The following PHACTR1 variants were observed in gnomAD, a reference collection of about 807,000 sequenced individuals.
PHACTR1 encodes phosphatase and actin regulator 1.
In PHACTR1, 16 loss-of-function variants were observed where a neutral mutation model predicts 69.2. The ratio of observed to expected loss-of-function variants is 0.23; its 90% CI spans 0.16 to 0.35. The LOEUF (loss-of-function observed/expected upper bound fraction) is 0.35, where lower values mean the gene tolerates loss of function less well. Among genes scored for constraint, PHACTR1 ranks in the 10% least tolerant of loss-of-function variants. The probability of loss-of-function intolerance (pLI) is 1.00; values close to 1 mark genes in which losing one functional copy is unlikely to be tolerated. For missense variants in PHACTR1, 510 were observed against 734.7 expected, an observed-to-expected ratio of 0.69 and a Z score of 3.54; for synonymous variants, 312 against 284.5, an observed-to-expected ratio of 1.10 and a Z score of -0.97.
chr6:12,753,994 A>C (rs1766964026), intron 4 of PHACTR1, among the ~76,000 whole-genome samples: 1 of 140,762 alleles, frequency 7.1e-6, no homozygotes, highest in African/African-American at 2.7e-5. Context: ...ACAGAGTCTC[A>C]CTCTGTCACC....
At chr6:12,888,171 T>G (rs986313972) in intron 4 of PHACTR1, among the ~76,000 whole-genome samples, 1 of 151,308 alleles carries the variant, frequency 6.6e-6, no homozygotes, top group Non-Finnish European at 1.5e-5. Context: ...TGCCTTAGAA[T>G]GGGGCTGGAA....
intron 7 of PHACTR1, among the ~76,000 whole-genome samples, chr6:13,205,273 C>T (rs550446149): frequency 1.3e-5 from 2 of 152,318 alleles, no homozygotes; most frequent in South Asian, 2.1e-4. Flanking sequence ...TGGGAGAGCT[C>T]GAACTCGCTC....
At chr6:13,037,689 G>A (rs868812024) in intron 4 of PHACTR1, among the ~76,000 whole-genome samples, 4 of 152,220 alleles carry the variant, frequency 2.6e-5, no homozygotes, top group Non-Finnish European at 5.9e-5. Context: ...TAAGAGCAAG[G>A]AGGACCCATT....
Position 12,968,165 on chromosome 6 carries a change from A to G in PHACTR1, c.251-85200A>G, listed in dbSNP as rs1018531303. ...TTTCCACTCAAACTCATTGCCCTTC[A>G]TGGAATCGCATGCCCGCTTCCCCCC... is the stretch of plus-strand genomic sequence containing the variant. On this transcript the variant is annotated intron_variant, in intron 4 of 14. Transcript: ENST00000332995. 3.3e-5 allele frequency among the ~76,000 whole-genome samples: 5 copies of G among 152,200 alleles called. No individual in the cohort carries two copies. The East Asian group carries it at 7.7e-4, about 23-fold the overall frequency.
At chr6:13,066,191 C>T (rs1483670211) in intron 5 of PHACTR1, among the ~76,000 whole-genome samples, 3 of 152,206 alleles carry the variant, frequency 2.0e-5, no homozygotes, top group African/African-American at 7.2e-5. Context: ...CCAGCACTCT[C>T]TGCGTGTAAG....
At chr6:12,751,876 A>G (rs748080103) in intron 4 of PHACTR1, among the ~76,000 whole-genome samples, 1 of 152,234 alleles carries the variant, frequency 6.6e-6, no homozygotes, top group African/African-American at 2.4e-5. Context: ...CCTGGTCTGT[A>G]CTGCAGTCAG....
intron 5 of PHACTR1, among the ~76,000 whole-genome samples, chr6:13,123,836 C>G (rs1819109379): frequency 6.6e-6 from 1 of 152,180 alleles, no homozygotes; most frequent in Non-Finnish European, 1.5e-5. Flanking sequence ...GAGTTGCATG[C>G]TTTCAGGCTT....
intron 6 of PHACTR1, among the ~76,000 whole-genome samples, chr6:13,164,241 G>A (rs187921205): frequency 6.6e-6 from 1 of 152,112 alleles, no homozygotes; most frequent in African/African-American, 2.4e-5. Flanking sequence ...GAGATTCGGG[G>A]GGTAAAGCAA....
At chr6:12,874,610 C>A (rs1019942362) in intron 4 of PHACTR1, among the ~76,000 whole-genome samples, 1 of 152,124 alleles carries the variant, frequency 6.6e-6, no homozygotes, top group African/African-American at 2.4e-5. Flanking sequence ...TCATCCCCAT[C>A]GAGCCACCAC....
At chr6:12,934,208 A>G (rs947690747) in intron 4 of PHACTR1, among the ~76,000 whole-genome samples, 7 of 152,146 alleles carry the variant, frequency 4.6e-5, no homozygotes, top group African/African-American at 7.2e-5. Context: ...GTCTCTCTCT[A>G]TGTGTTCACA....
At chr6:12,804,160 C>G (rs1011747913) in intron 4 of PHACTR1, among the ~76,000 whole-genome samples, 4 of 152,150 alleles carry the variant, frequency 2.6e-5, no homozygotes, top group Admixed American at 2.6e-4. Context: ...CATCTTGTGG[C>G]TATTAGACTT....
intron 7 of PHACTR1, among the ~76,000 whole-genome samples, chr6:13,205,234 C>T (rs542715243): frequency 3.9e-5 from 6 of 152,184 alleles, no homozygotes; most frequent in Non-Finnish European, 7.4e-5. Context: ...TCTTAACAAC[C>T]CACTCTTCCT....
chr6:12,910,152 G>A (rs1214244385), intron 4 of PHACTR1, among the ~76,000 whole-genome samples: 1 of 152,190 alleles, frequency 6.6e-6, no homozygotes, highest in Non-Finnish European at 1.5e-5. Context: ...GACCAGCCAA[G>A]AGGGAGGAGT....
At chr6:13,004,207 AGAGG>A in intron 4 of PHACTR1, among the ~76,000 whole-genome samples, 1 of 151,734 alleles carries the variant, frequency 6.6e-6, no homozygotes, top group Non-Finnish European at 1.5e-5. Flanking sequence ...TGTTTTCCAT[AGAGG>A]TTGTATTAAT....
chr6:12,719,783 C>T (rs1376297839), intron 3 of PHACTR1, among the ~76,000 whole-genome samples: 3 of 152,158 alleles, frequency 2.0e-5, no homozygotes, highest in African/African-American at 7.2e-5. Context: ...CTGGGCTTTC[C>T]CAAGTGGTCC....
In PHACTR1 at chr6:13,121,960, C is replaced by T. The variant is rs576190347; in HGVS notation, c.416-38244C>T. On this transcript the variant is annotated intron_variant, in intron 5 of 14. Coordinates refer to ENST00000332995, the MANE Select transcript of PHACTR1 (RefSeq NM_030948.6). ...AGTTTTAAATATATATGTGTATATGCGTATATAAGTATGTATGTGAAAATA... is the reference window on the plus strand; with the variant it reads ...AGTTTTAAATATATATGTGTATATGTGTATATAAGTATGTATGTGAAAATA... Among the ~76,000 whole-genome samples the T allele has an allele frequency of 2.6e-5, 4 of 152,182 alleles. No homozygotes were observed. In the South Asian group the frequency reaches 8.3e-4, roughly 32 times the overall value.
intron 5 of PHACTR1, among the ~76,000 whole-genome samples, chr6:13,060,944 C>G (rs913377738): frequency 6.6e-6 from 1 of 152,204 alleles, no homozygotes; most frequent in Non-Finnish European, 1.5e-5. Flanking sequence ...TGGCTTAAAA[C>G]AACAGAGCTT....
chr6:12,816,362 G>GT (rs1245417424), intron 4 of PHACTR1, among the ~76,000 whole-genome samples: 2 of 152,190 alleles, frequency 1.3e-5, no homozygotes, highest in African/African-American at 4.8e-5. Flanking sequence ...GGTAAATTCA[G>GT]TTATTCCCCT....
intron 4 of PHACTR1, among the ~76,000 whole-genome samples, chr6:12,761,282 G>A (rs1239570852): frequency 6.6e-6 from 1 of 152,200 alleles, no homozygotes; most frequent in Non-Finnish European, 1.5e-5. Context: ...ATAAAAATGT[G>A]AAACATAGAC....
Sources: allele counts gnomAD v4.1 joint callset (sites outside exome capture counted in the v4.1 genomes callset), GRCh38; gene constraint gnomAD v4.1.1; transcripts MANE v1.5; gene names NCBI Gene and HGNC (gene_info 2026-07-23, HGNC 2026-07-21).